GRIA2: variants seen among roughly 807,000 people sequenced by gnomAD.
GRIA2 encodes glutamate receptor 2.
A neutral mutation model predicts 97.3 loss-of-function variants in GRIA2; 14 were observed. The observed-to-expected ratio is 0.14, with a 90% CI of 0.10 to 0.23. The LOEUF (loss-of-function observed/expected upper bound fraction) is 0.23, where lower values mean the gene tolerates loss of function less well. Ranked by LOEUF, GRIA2 falls within the 10% of genes least tolerant of loss-of-function variation. The probability of loss-of-function intolerance (pLI) is 1.00; values close to 1 mark genes in which losing one functional copy is unlikely to be tolerated. For synonymous variants in GRIA2, 412 were observed against 387.8 expected (o/e 1.06, Z -0.73); for missense variants, 558 against 1,069.8 (o/e 0.52, Z 6.67).
intron 12 of GRIA2, among the ~76,000 whole-genome samples, chr4:157,355,000 C>G (rs978898125): frequency 1.3e-5 from 2 of 152,094 alleles, no homozygotes; most frequent in Admixed American, 1.3e-4. Flanking sequence ...AGACCCTAAC[C>G]TTCTGAAATA....
At chr4:157,308,965 G>A (rs1733955988) in intron 3 of GRIA2, among the ~76,000 whole-genome samples, 2 of 152,086 alleles carry the variant, frequency 1.3e-5, no homozygotes, top group Non-Finnish European at 2.9e-5. Context: ...AATGAGGTGA[G>A]GAGATCAAAT....
At chr4:157,286,583 GTTTA>G (rs749916300) in intron 2 of GRIA2, among the ~76,000 whole-genome samples, 46 of 151,422 alleles carry the variant, frequency 3.0e-4, no homozygotes, top group Admixed American at 8.6e-4. Context: ...TAGTAAATCT[GTTTA>G]TTTATTTGTC....
intron 2 of GRIA2, among the ~76,000 whole-genome samples, chr4:157,272,376 G>A (rs552933967): frequency 1.3e-5 from 2 of 151,932 alleles, no homozygotes; most frequent in Non-Finnish European, 2.9e-5. Flanking sequence ...TAAAACTGGA[G>A]AGACACACAG....
chr4:157,255,646 G>T (rs1731209051), intron 2 of GRIA2, among the ~76,000 whole-genome samples: 1 of 151,800 alleles, frequency 6.6e-6, no homozygotes, highest in Non-Finnish European at 1.5e-5. Context: ...AAACTAAAAA[G>T]CTTCTACACA....
intron 2 of GRIA2, among the ~76,000 whole-genome samples, chr4:157,235,257 C>T (rs1730192229): frequency 6.6e-6 from 1 of 152,028 alleles, no homozygotes; most frequent in Admixed American, 6.6e-5. Context: ...TTCTTCCTTT[C>T]TTAAACTTTT....
At chr4:157,267,216 G>A (rs1275444687) in intron 2 of GRIA2, among the ~76,000 whole-genome samples, 1 of 151,886 alleles carries the variant, frequency 6.6e-6, no homozygotes, top group East Asian at 1.9e-4. Context: ...ATGAGGTCAG[G>A]AGTTTGAGAC....
At chr4:157,313,163 T>G (rs999021428) in intron 4 of GRIA2, among the ~76,000 whole-genome samples, 1 of 152,126 alleles carries the variant, frequency 6.6e-6, no homozygotes, top group African/African-American at 2.4e-5. Flanking sequence ...ATATTTTCAT[T>G]TGAAAATTTT....
At chr4:157,324,802 G>A (rs1054000528) in intron 6 of GRIA2, among the ~76,000 whole-genome samples, 1 of 151,910 alleles carries the variant, frequency 6.6e-6, no homozygotes, top group African/African-American at 2.4e-5. Context: ...ACAGAAGAGA[G>A]GAAGAAAAAC....
chr4:157,332,316 C>T (rs1180226096), intron 6 of GRIA2, among the ~76,000 whole-genome samples: 1 of 151,882 alleles, frequency 6.6e-6, no homozygotes, highest in East Asian at 1.9e-4. Context: ...CCTAGGGGAG[C>T]CTAAGTAGAC....
intron 2 of GRIA2, among the ~76,000 whole-genome samples, chr4:157,283,619 A>G (rs1579330695): frequency 6.6e-6 from 1 of 151,990 alleles, no homozygotes; most frequent in African/African-American, 2.4e-5. Flanking sequence ...CAGTTTGGAT[A>G]TGGAAATAAA....
chr4:157,277,246 T>G (rs1334027702), intron 2 of GRIA2, among the ~76,000 whole-genome samples: 1 of 151,894 alleles, frequency 6.6e-6, no homozygotes, highest in Non-Finnish European at 1.5e-5. Flanking sequence ...AAAAATCAAT[T>G]AATGTAATCT....
At chr4:157,313,460 T>G (rs1026886530) in intron 4 of GRIA2, among the ~76,000 whole-genome samples, 2 of 152,128 alleles carry the variant, frequency 1.3e-5, no homozygotes, top group Non-Finnish European at 2.9e-5. Context: ...ATGCATCCCC[T>G]TGGACTGTTT....
intron 6 of GRIA2, among the ~76,000 whole-genome samples, chr4:157,332,379 A>G (rs977666721): frequency 6.6e-6 from 1 of 152,036 alleles, no homozygotes; most frequent in African/African-American, 2.4e-5. Context: ...TGAATTAGAG[A>G]CTAAGAATCC....
intron 2 of GRIA2, among the ~76,000 whole-genome samples, chr4:157,280,456 A>G (rs930680062): frequency 2.0e-5 from 3 of 152,148 alleles, no homozygotes; most frequent in Non-Finnish European, 4.4e-5. Context: ...ATTATATATT[A>G]CTGCACATAC....
chr4:157,318,301 A>C (rs1040316239), intron 5 of GRIA2, among the ~76,000 whole-genome samples: 2 of 152,288 alleles, frequency 1.3e-5, no homozygotes, highest in Non-Finnish European at 2.9e-5. Flanking sequence ...TATCTGAAAT[A>C]AATGTAAATT....
At chr4:157,239,771 G>A (rs1730420134) in intron 2 of GRIA2, among the ~76,000 whole-genome samples, 2 of 151,658 alleles carry the variant, frequency 1.3e-5, no homozygotes, top group African/African-American at 4.8e-5. Context: ...ATATAGCTAG[G>A]TGACTATTAT....
intron 2 of GRIA2, among the ~76,000 whole-genome samples, chr4:157,259,691 T>C (rs1731439911): frequency 6.6e-6 from 1 of 152,140 alleles, no homozygotes; most frequent in African/African-American, 2.4e-5. Flanking sequence ...TACCAAGTCT[T>C]CCACTGCTGT....
intron 2 of GRIA2, among the ~76,000 whole-genome samples, chr4:157,256,190 AACATATAT>A (rs1731241593): frequency 7.4e-6 from 1 of 135,828 alleles, no homozygotes; most frequent in Non-Finnish European, 1.5e-5. Flanking sequence ...TATAATATAT[AACATATAT>A]TACATATATA....
At chr4:157,355,875 T>TTATATATA (rs1288360039) in intron 12 of GRIA2, among the ~76,000 whole-genome samples, 1 of 53,118 alleles carries the variant, frequency 1.9e-5, no homozygotes. Context: ...ATTAACATAT[T>TTATATATA]TATATATATT....
Sources: gnomAD v4.1 joint callset for allele counts (sites outside exome capture counted in the v4.1 genomes callset) on GRCh38, gnomAD v4.1.1 for gene constraint, MANE v1.5 for transcripts, NCBI Gene and HGNC (gene_info 2026-07-23, HGNC 2026-07-21) for gene names.